Variants in SCN10A observed in about 807,000 individuals in gnomAD.
SCN10A encodes sodium voltage-gated channel alpha subunit 10.
A neutral mutation model predicts 170.7 loss-of-function variants in SCN10A; 162 were observed. That is an observed-to-expected ratio of 0.95 (90% CI 0.84 to 1.08). The LOEUF (loss-of-function observed/expected upper bound fraction) is 1.08, where lower values mean the gene tolerates loss of function less well. SCN10A is among the 50% of genes least tolerant of loss of function. SCN10A has a pLI of 0.00. For missense variants in SCN10A, 2,527 were observed against 2,436.9 expected, an observed-to-expected ratio of 1.04 and a Z score of -0.78; for synonymous variants, 985 against 904.6, an observed-to-expected ratio of 1.09 and a Z score of -1.59.
chr3:38,728,645 A>C lies in SCN10A; in HGVS notation c.2537T>G (p.Leu846Arg), dbSNP rs1467966822. 1.2e-6 allele frequency: 2 copies of C among 1,614,224 alleles called. No individual in the cohort carries two copies. The highest frequency in any genetic ancestry group is 1.7e-6 in the Non-Finnish European group (2 of 1,180,046). The change falls in exon 16 of 28, where the codon CTC becomes CGC. Residue 846 changes from leucine to arginine, a missense_variant. By Grantham distance (102) the Leu-to-Arg change is moderately radical. Coordinates refer to ENST00000449082, the MANE Select transcript of SCN10A (RefSeq NM_006514.4). ...FHSFLIVFRILCGEWIENMWA... is the reference protein window; with the variant it reads ...FHSFLIVFRIRCGEWIENMWA... ...CATGTTCTCAATCCACTCTCCACAG[A>C]GGATACGGAAGACAATGAGGAAAGA... is the stretch of plus-strand genomic sequence containing the variant.
At chr3:38,763,837 T>C (rs2063902943) in intron 5 of SCN10A, among the ~76,000 whole-genome samples, 1 of 152,186 alleles carries the variant, frequency 6.6e-6, no homozygotes, top group African/African-American at 2.4e-5. Flanking sequence ...TGTGGACGGA[T>C]CTTCAAACAC....
At chr3:38,700,625 C>T (rs563757457) in intron 27 of SCN10A, among the ~76,000 whole-genome samples, 3 of 152,236 alleles carry the variant, frequency 2.0e-5, no homozygotes, top group East Asian at 3.9e-4. Context: ...TGTTAAAAAA[C>T]AGAGCAGCAA....
Position 38,714,025 on chromosome 3 carries a change from A to T in SCN10A, c.3737T>A (p.Ile1246Asn), listed in dbSNP as rs1319074185. The T allele has an allele frequency of 1.2e-6, 2 of 1,614,208 alleles. No individual in the cohort carries two copies. Among genetic ancestry groups the T allele is most frequent in the Non-Finnish European group, 8.5e-7 (1 of 1,180,036 alleles). ...AGCGCGAAGGGTTCGAAGGGCTTTG[A>T]TGGGAGCCACTTCAGAATATTCCAG... ...KILEYSEVAP[I>N]KALRTLRALR... The change falls in exon 22 of 28, where the codon ATC becomes AAC. Residue 1246 changes from isoleucine to asparagine, a missense_variant. Coordinates refer to ENST00000449082, the MANE Select transcript of SCN10A (RefSeq NM_006514.4).
Position 38,712,299 on chromosome 3 carries a change from C to T in SCN10A, c.3951G>A (p.Glu1317=). The change falls in exon 23 of 28, where the codon GAG becomes GAA. Residue 1317 remains glutamate (E), a synonymous_variant. Coordinates refer to ENST00000449082, the MANE Select transcript of SCN10A (RefSeq NM_006514.4). ...FWRCINYTDG[E]FSLVPLSIVN... ...CAATCGACAAAGGTACAAGGGAAAA[C>T]TCTCCATCGGTATAGTTGATGCACC... 6.2e-7 allele frequency: 1 copy of T among 1,614,224 alleles called. No homozygotes were observed. The highest frequency in any genetic ancestry group is 1.1e-5 in the South Asian group (1 of 91,080).
At chr3:38,813,494 C>T (rs2064453419) in intron 1 of SCN10A, among the ~76,000 whole-genome samples, 1 of 152,186 alleles carries the variant, frequency 6.6e-6, no homozygotes, top group Non-Finnish European at 1.5e-5. Context: ...TGTGCATCCC[C>T]TGTTTAATAT....
intron 12 of SCN10A, among the ~76,000 whole-genome samples, chr3:38,751,002 G>A (rs2063741412): frequency 6.6e-6 from 1 of 152,178 alleles, no homozygotes; most frequent in Non-Finnish European, 1.5e-5. Context: ...CTTCTCCACT[G>A]TCTCTGTTCC....
chr3:38,797,182 T>G (rs2064345845), intron 1 of SCN10A, among the ~76,000 whole-genome samples: 1 of 152,002 alleles, frequency 6.6e-6, no homozygotes, highest in African/African-American at 2.4e-5. Flanking sequence ...AGATCCTGCT[T>G]GCTCCCACCA....
At position 38,712,184 on chromosome 3, in the gene SCN10A, C is replaced by A. The variant is rs768979263; in HGVS notation, c.4066G>T (p.Gly1356Cys). ...ACCACCTGCAGAAGTGCAAGGTAAC[C>A]CATTGCAACATTATCAAAGTTGACT... Reference protein sequence around the residue: ...VKVNFDNVAMGYLALLQVATF... With the variant: ...VKVNFDNVAMCYLALLQVATF... The change falls in exon 23 of 28, where the codon GGT (glycine) becomes TGT (cysteine). Residue 1356 changes from glycine (G) to cysteine (C), a missense_variant. Coordinates refer to ENST00000449082, the MANE Select transcript of SCN10A (RefSeq NM_006514.4). 1 of 1,614,088 alleles carries A rather than the reference C, an allele frequency of 6.2e-7. No individual in the cohort carries two copies. The highest frequency in any genetic ancestry group is 8.5e-7 in the Non-Finnish European group (1 of 1,179,958).
intron 1 of SCN10A, among the ~76,000 whole-genome samples, chr3:38,799,882 G>A (rs6796213): frequency 0.056 from 8,576 of 152,094 alleles, 825 homozygotes; most frequent in African/African-American, 0.19. Context: ...AAAATTGTTC[G>A]CTGGTCCTAT....
chr3:38,775,208 T>C (rs1410241964), intron 4 of SCN10A, among the ~76,000 whole-genome samples: 1 of 152,192 alleles, frequency 6.6e-6, no homozygotes, highest in Non-Finnish European at 1.5e-5. Flanking sequence ...TTTTTTATAA[T>C]CCCGAACAGA....
rs1395868982 is a variant in SCN10A at position 38,804,601 on chromosome 3, T to TA, written c.-32-10560dup. Among the ~76,000 whole-genome samples, 6 of 152,250 alleles carry TA rather than the reference T, an allele frequency of 3.9e-5. No homozygotes were observed. The East Asian group carries it at 1.2e-3, about 29-fold the overall frequency. ...TGGATGGGTATGTATCAGATATTTA[T>TA]AAAAAGAGCTTTTCACCTGACACCG... On this transcript the variant is annotated intron_variant, in intron 1 of 27. Coordinates refer to ENST00000449082, the MANE Select transcript of SCN10A (RefSeq NM_006514.4).
intron 1 of SCN10A, among the ~76,000 whole-genome samples, chr3:38,802,277 TATGAAGACA>T (rs141071270): frequency 2.0e-5 from 3 of 152,276 alleles, no homozygotes; most frequent in Non-Finnish European, 4.4e-5. Flanking sequence ...GGGCTGAAGT[TATGAAGACA>T]ACCTAAGTAG....
At chr3:38,795,112 C>T (rs1385346967) in intron 1 of SCN10A, among the ~76,000 whole-genome samples, 1 of 152,032 alleles carries the variant, frequency 6.6e-6, no homozygotes, top group East Asian at 1.9e-4. Context: ...AAAAACTTTC[C>T]CTTGATGCAG....
chr3:38,793,301 A>G (rs1192836010), intron 2 of SCN10A, among the ~76,000 whole-genome samples: 1 of 152,158 alleles, frequency 6.6e-6, no homozygotes, highest in African/African-American at 2.4e-5. Context: ...TAAACCCACT[A>G]AAACAGTTTT....
At chr3:38,784,452 C>T (rs1424017668) in intron 4 of SCN10A, among the ~76,000 whole-genome samples, 1 of 152,060 alleles carries the variant, frequency 6.6e-6, no homozygotes, top group East Asian at 1.9e-4. Flanking sequence ...TAAAAGCTCT[C>T]AATAAACTAG....
At chr3:38,747,620 C>A (rs773960161) in intron 13 of SCN10A, among the ~76,000 whole-genome samples, 7 of 152,140 alleles carry the variant, frequency 4.6e-5, no homozygotes, top group Non-Finnish European at 1.0e-4. Flanking sequence ...GGATGCAAAC[C>A]CAGGCAGCCG....
rs376251291 is a variant in SCN10A, at chr3:38,792,973, T to A, written c.270+768A>T. On this transcript the variant is annotated intron_variant, in intron 2 of 27. Transcript: ENST00000449082. ...GAAATTAATATATATGTATATATGCTTATATACCTATATATACATAACTAG... is the reference window on the plus strand; with the variant it reads ...GAAATTAATATATATGTATATATGCATATATACCTATATATACATAACTAG... Among the ~76,000 whole-genome samples, 3 of 152,118 alleles carry A rather than the reference T, an allele frequency of 2.0e-5. No individual in the cohort carries two copies. The East Asian group carries it at 5.8e-4, about 29-fold the overall frequency.
At chr3:38,760,860 A>G in intron 7 of SCN10A, 113 bp from the exon 8 acceptor site, 2 of 836,548 alleles carry the variant, frequency 2.4e-6, no homozygotes, top group South Asian at 3.0e-5. Flanking sequence ...CTTTGGCTAC[A>G]TGTACTCAGT....
intron 17 of SCN10A, among the ~76,000 whole-genome samples, chr3:38,726,266 C>T (rs1473753178): frequency 6.6e-6 from 1 of 152,182 alleles, no homozygotes; most frequent in Non-Finnish European, 1.5e-5. Flanking sequence ...ATGAGCCTTG[C>T]TCTTGGACAA....
Sources: gnomAD v4.1 joint callset for allele counts (sites outside exome capture counted in the v4.1 genomes callset) on GRCh38, gnomAD v4.1.1 for gene constraint, MANE v1.5 for transcripts, NCBI Gene and HGNC (gene_info 2026-07-23, HGNC 2026-07-21) for gene names.